The following KCNA6 variants were observed in gnomAD, a reference collection of about 807,000 sequenced individuals.
The protein encoded by KCNA6 is potassium voltage-gated channel subfamily A member 6.
A neutral mutation model predicts 29.5 loss-of-function variants in KCNA6; 17 were observed. That is an observed-to-expected ratio of 0.58 (90% CI 0.39 to 0.86). The LOEUF (loss-of-function observed/expected upper bound fraction) is 0.86. Ranked by LOEUF, KCNA6 falls within the 40% of genes least tolerant of loss-of-function variation. The pLI is 0.00. For missense variants in KCNA6, 450 were observed against 703.4 expected (o/e 0.64, Z 4.07); for synonymous variants, 296 against 304.7 (o/e 0.97, Z 0.30).
the KCNA6 span, among the ~76,000 whole-genome samples, chr12:4,838,282 A>G: frequency 5.3e-5 from 8 of 152,308 alleles, no homozygotes; most frequent in Non-Finnish European, 1.2e-4. Flanking sequence ...GAGATGTTTG[A>G]CGAATAGGTT....
chr12:4,827,278 C>T, the KCNA6 span, among the ~76,000 whole-genome samples: 7 of 149,934 alleles, frequency 4.7e-5, no homozygotes, highest in Non-Finnish European at 8.9e-5. Flanking sequence ...CTTCCCTCCT[C>T]CTTCCCTCCT....
chr12:4,812,696 G>C (rs1021667968), exon 1 of KCNA6: 2 of 167,080 alleles, frequency 1.2e-5, no homozygotes, highest in Non-Finnish European at 2.9e-5. Context: ...TAAAGCCCTA[G>C]ACAGGTAAAA....
the KCNA6 span, among the ~76,000 whole-genome samples, chr12:4,843,032 G>C: frequency 2.0e-5 from 3 of 151,960 alleles, no homozygotes; most frequent in African/African-American, 7.3e-5. Flanking sequence ...AATTGGAGGT[G>C]GTGGGATAGA....
chr12:4,814,283 G>A (rs1199043539), downstream of KCNA6: 1 of 167,050 alleles, frequency 6.0e-6, no homozygotes, highest in African/African-American at 2.4e-5. This position sits in a 1 kb window ranked among gnomAD's most constrained non-coding sequence, Gnocchi z 4.6. Flanking sequence ...CCCTTAGAGG[G>A]GACAACTTCT....
exon 1 of KCNA6, chr12:4,812,262 G>C (rs1324502759): frequency 6.0e-6 from 1 of 167,612 alleles, no homozygotes. Flanking sequence ...GAGGACACGG[G>C]GTTAGTCCAG....
At chr12:4,823,966 A>G in the KCNA6 span, among the ~76,000 whole-genome samples, 1 of 152,156 alleles carries the variant, frequency 6.6e-6, no homozygotes, top group Non-Finnish European at 1.5e-5. Flanking sequence ...TCTATCTGTG[A>G]ACAATGTAGG....
chr12:4,840,759 C>T, the KCNA6 span, among the ~76,000 whole-genome samples: 1 of 152,226 alleles, frequency 6.6e-6, no homozygotes, highest in South Asian at 2.1e-4. Context: ...ATAGCCCAAG[C>T]TCTGGGGAGT....
the KCNA6 span, among the ~76,000 whole-genome samples, chr12:4,840,151 G>A: frequency 6.6e-6 from 1 of 150,880 alleles, no homozygotes. Flanking sequence ...CAGTTGATTT[G>A]GGCATAAAAT....
the KCNA6 span, among the ~76,000 whole-genome samples, chr12:4,827,432 A>G: frequency 6.6e-6 from 1 of 152,198 alleles, no homozygotes; most frequent in African/African-American, 2.4e-5. Context: ...ATGCTGGGCA[A>G]GAAAAGACAT....
the KCNA6 span, among the ~76,000 whole-genome samples, chr12:4,820,965 G>A: frequency 6.6e-6 from 1 of 152,196 alleles, no homozygotes. Flanking sequence ...GGAAGTCAAG[G>A]GGTTATCTGA....
chr12:4,831,023 A>G, the KCNA6 span, among the ~76,000 whole-genome samples: 1 of 152,184 alleles, frequency 6.6e-6, no homozygotes, highest in Admixed American at 6.5e-5. Context: ...CAGGGTCCTC[A>G]GTGACTTTTG....
chr12:4,830,401 A>C, the KCNA6 span, among the ~76,000 whole-genome samples: 1 of 152,148 alleles, frequency 6.6e-6, no homozygotes, highest in Non-Finnish European at 1.5e-5. Flanking sequence ...TCACCCCTGC[A>C]TCCCACCGCG....
chr12:4,826,788 A>G, the KCNA6 span, among the ~76,000 whole-genome samples: 68,082 of 152,124 alleles, frequency 0.45, 15,861 homozygotes, highest in Middle Eastern at 0.58. Flanking sequence ...TGATCTTTGA[A>G]AAAGAGAGTT....
the KCNA6 span, among the ~76,000 whole-genome samples, chr12:4,842,012 CGTGTGTGTGTGTGTGTGTGTGTGT>C: frequency 6.0e-3 from 755 of 124,978 alleles, 6 homozygotes; most frequent in Non-Finnish European, 8.7e-3. Context: ...ATGGAGCTTA[CGTGTGTGTGTGTGTGTGTGTGTGT>C]GTGTGTGTGT....
chr12:4,840,259 A>G, the KCNA6 span, among the ~76,000 whole-genome samples: 1 of 151,370 alleles, frequency 6.6e-6, no homozygotes, highest in Non-Finnish European at 1.5e-5. Flanking sequence ...TTAAAGATAA[A>G]GTGACGCTTG....
downstream of KCNA6, among the ~76,000 whole-genome samples, chr12:4,817,074 G>A (rs1480358592): frequency 6.6e-6 from 1 of 152,192 alleles, no homozygotes; most frequent in African/African-American, 2.4e-5. Flanking sequence ...CAATCTGGCT[G>A]GAGCTGCCAT....
At chr12:4,831,163 G>C in the KCNA6 span, among the ~76,000 whole-genome samples, 1 of 152,178 alleles carries the variant, frequency 6.6e-6, no homozygotes, top group South Asian at 2.1e-4. Flanking sequence ...CAAGGACTGC[G>C]GAGGAATATG....
At position 4,811,633 on chromosome 12, in the gene KCNA6, C is replaced by T. The variant is rs767581201; in HGVS notation, c.*2C>T. The stretch of plus-strand genomic sequence containing the variant: ...AAAAGAATGCTCACGGAGGTCTGAC[C>T]CATGCAGGCAGGGCCTGCAGGAGGG... On this transcript the variant is annotated 3_prime_UTR_variant, in exon 1 of 1. Coordinates refer to ENST00000280684, the Ensembl canonical transcript of KCNA6. The surrounding 1 kb of genome is among the most constrained non-coding windows in gnomAD (Gnocchi z 7.1). 1.2e-5 allele frequency: 20 copies of T among 1,610,330 alleles called. No individual in the cohort carries two copies. Among genetic ancestry groups the T allele is most frequent in the Non-Finnish European group, 1.6e-5 (19 of 1,177,636 alleles).
chr12:4,810,558 G>T lies in KCNA6; in HGVS notation c.517G>T (p.Ala173Ser), dbSNP rs911149892. 6.2e-7 allele frequency: 1 copy of T among 1,614,048 alleles called. No homozygotes were observed. Among genetic ancestry groups the T allele is most frequent in the African/African-American group, 1.3e-5 (1 of 74,922 alleles). ...TGAGTACCCAGAGAGCTCTGGGCCGGCCAGGGGCATCGCCATCGTCTCCGT... is the reference window on the plus strand; with the variant it reads ...TGAGTACCCAGAGAGCTCTGGGCCGTCCAGGGGCATCGCCATCGTCTCCGT... The change falls in exon 1 of 1, where the codon GCC (alanine) becomes TCC (serine). Residue 173 changes from alanine (A) to serine (S), a missense_variant. Ala to Ser is a moderately conservative substitution (Grantham distance 99). This residue lies in a region of KCNA6 where 133 missense variants were observed against 217.5 expected (regional missense o/e 0.61). Transcript: ENST00000280684. The surrounding 1 kb of genome is among the most constrained non-coding windows in gnomAD (Gnocchi z 7.5).
Sources: allele counts gnomAD v4.1 joint callset (sites outside exome capture counted in the v4.1 genomes callset), GRCh38; gene constraint gnomAD v4.1.1; regional missense constraint gnomAD v4.1.1; non-coding constraint Gnocchi (gnomAD v3.1); transcripts MANE v1.5; gene names NCBI Gene and HGNC (gene_info 2026-07-23, HGNC 2026-07-21).